ABCC12: variants seen among roughly 807,000 people sequenced by gnomAD.
ABCC12 encodes the protein ATP-binding cassette sub-family C member 12.
In ABCC12, 142 loss-of-function variants were observed where a neutral mutation model predicts 151.1. The observed-to-expected ratio is 0.94, with a 90% confidence interval of 0.82 to 1.08. The LOEUF (loss-of-function observed/expected upper bound fraction) is 1.08, where lower values mean the gene tolerates loss of function less well. Ranked by LOEUF, ABCC12 falls within the 50% of genes least tolerant of loss-of-function variation. The pLI is 0.00. For synonymous variants in ABCC12, 645 were observed against 646.4 expected, an observed-to-expected ratio of 1.00 and a Z score of 0.03; for missense variants, 1,638 against 1,691.1, an observed-to-expected ratio of 0.97 and a Z score of 0.55.
chr16:48,129,189 G>T (rs932746672), intron 10 of ABCC12, among the ~76,000 whole-genome samples: 14 of 152,240 alleles, frequency 9.2e-5, no homozygotes, highest in African/African-American at 3.4e-4. Context: ...GTAAACAGCA[G>T]AAATGCAAAT....
At chr16:48,105,438 G>A in intron 20 of ABCC12, 102 bp from the exon 21 acceptor site, 1 of 1,184,048 alleles carries the variant, frequency 8.4e-7, no homozygotes, top group East Asian at 2.5e-5. Flanking sequence ...CTAAGAAGAA[G>A]CACATGAGTG....
chr16:48,108,554 T>C, intron 18 of ABCC12, 25 bp from the exon 19 acceptor site: 8 of 1,609,222 alleles, frequency 5.0e-6, no homozygotes, highest in Non-Finnish European at 6.8e-6. Context: ...ACAAGTGCCA[T>C]GGCTCTCACC....
At chr16:48,085,022 G>C (rs1962524637) in intron 29 of ABCC12, among the ~76,000 whole-genome samples, 1 of 152,108 alleles carries the variant, frequency 6.6e-6, no homozygotes. Flanking sequence ...GCAGCATGCA[G>C]TGCCACGGCA....
intron 11 of ABCC12, among the ~76,000 whole-genome samples, chr16:48,125,273 T>C (rs1964202569): frequency 6.6e-6 from 1 of 152,178 alleles, no homozygotes; most frequent in Non-Finnish European, 1.5e-5. Flanking sequence ...GCAGGGAAAC[T>C]GCAGGAAACT....
At chr16:48,087,758 C>A (rs1181658544) in intron 27 of ABCC12, 168 bp downstream of exon 27, 1 of 662,424 alleles carries the variant, frequency 1.5e-6, no homozygotes, top group Admixed American at 3.1e-5. Flanking sequence ...CCTCCCAAGG[C>A]TGGATGCAGA....
chr16:48,138,216 C>A lies in ABCC12; in HGVS notation c.979+12G>T. 1 of 1,593,574 alleles carries A rather than the reference C, an allele frequency of 6.3e-7. No homozygotes were observed. Among genetic ancestry groups the A allele is most frequent in the Non-Finnish European group, 8.6e-7 (1 of 1,164,366 alleles). Reference sequence around the variant, plus strand: ...AGGTAAGTGGTTCTTTAAGCAGCTACTCTTGTCCTACCTTGGATAGTGTTG... The same window carrying A: ...AGGTAAGTGGTTCTTTAAGCAGCTAATCTTGTCCTACCTTGGATAGTGTTG... On this transcript the variant is annotated intron_variant, in intron 8 of 30. Coordinates refer to ENST00000311303, the MANE Select transcript of ABCC12 (RefSeq NM_001393797.1).
chr16:48,111,360 C>T, intron 18 of ABCC12, 76 bp downstream of exon 18: 1 of 1,518,090 alleles, frequency 6.6e-7, no homozygotes, highest in East Asian at 2.3e-5. Flanking sequence ...ACAGTGTCTA[C>T]ACTGTCTGTA....
intron 3 of ABCC12, 47 bp from the exon 4 acceptor site, chr16:48,144,112 C>A: frequency 6.4e-7 from 1 of 1,572,590 alleles, no homozygotes; most frequent in Non-Finnish European, 8.6e-7. Context: ...GGGGTCATTG[C>A]CCCAACTCTC....
chr16:48,089,908 TA>T (rs1261214269), intron 25 of ABCC12, among the ~76,000 whole-genome samples: 4 of 152,234 alleles, frequency 2.6e-5, no homozygotes, highest in Non-Finnish European at 5.9e-5. Flanking sequence ...CATGAAAACT[TA>T]AAGCTTACTA....
chr16:48,146,180 G>A (rs757086018), intron 3 of ABCC12, 126 bp downstream of exon 3: 152 of 810,692 alleles, frequency 1.9e-4, no homozygotes, highest in Non-Finnish European at 3.0e-4. Flanking sequence ...ACGTGTGCAT[G>A]GGTGGACGGA....
At chr16:48,126,267 C>T (rs1230830875) in intron 11 of ABCC12, among the ~76,000 whole-genome samples, 1 of 152,214 alleles carries the variant, frequency 6.6e-6, no homozygotes, top group African/African-American at 2.4e-5. Context: ...CTATCCACTT[C>T]TTGGGGCCAA....
intron 18 of ABCC12, among the ~76,000 whole-genome samples, chr16:48,110,861 T>C (rs558050268): frequency 2.0e-4 from 30 of 152,230 alleles, no homozygotes; most frequent in Non-Finnish European, 3.4e-4. Flanking sequence ...CACAAGATCC[T>C]GAGAACACGG....
At chr16:48,128,016 G>T (rs1964297193) in intron 11 of ABCC12, among the ~76,000 whole-genome samples, 1 of 152,210 alleles carries the variant, frequency 6.6e-6, no homozygotes, top group Admixed American at 6.5e-5. Context: ...CTACTTGGGA[G>T]GCTGAGGCAG....
chr16:48,141,113 A>C, intron 5 of ABCC12, 93 bp downstream of exon 5: 3 of 1,537,148 alleles, frequency 2.0e-6, no homozygotes, highest in Non-Finnish European at 2.6e-6. Flanking sequence ...ATGACAATGC[A>C]CTAAACCCAC....
At position 48,137,840 on chromosome 16, in the gene ABCC12, A is replaced by G. The variant is rs201175868; in HGVS notation, c.979+388T>C. On this transcript the variant is annotated intron_variant, in intron 8 of 30. Coordinates refer to ENST00000311303, the MANE Select transcript of ABCC12 (RefSeq NM_001393797.1). ...CATCCGAACACAAGGACGCTGCTGC[A>G]GGCAAAGAGGTCTGTGTAACCCTGG... is the stretch of plus-strand genomic sequence containing the variant. Among the ~76,000 whole-genome samples, 6 of 152,376 alleles carry G rather than the reference A, an allele frequency of 3.9e-5. No individual in the cohort carries two copies. The East Asian group carries it at 1.2e-3, about 29-fold the overall frequency.
At chr16:48,147,760 C>T (rs1965047884) in intron 2 of ABCC12, among the ~76,000 whole-genome samples, 1 of 152,180 alleles carries the variant, frequency 6.6e-6, no homozygotes, top group Admixed American at 6.5e-5. Context: ...ACAAGAGGCA[C>T]TCCTCTGGAA....
chr16:48,144,664 C>A (rs1964939400), intron 3 of ABCC12, among the ~76,000 whole-genome samples: 1 of 152,174 alleles, frequency 6.6e-6, no homozygotes, highest in African/African-American at 2.4e-5. Flanking sequence ...GCCTTTTCCT[C>A]CTTCCCTACA....
At position 48,082,671 on chromosome 16, in the gene ABCC12, T is replaced by C. The variant is rs888241157; in HGVS notation, c.*1044A>G. 1.3e-5 allele frequency among the ~76,000 whole-genome samples: 2 copies of C among 152,098 alleles called. No individual in the cohort carries two copies. The highest frequency in any genetic ancestry group is 1.5e-5 in the Non-Finnish European group (1 of 68,002). On this transcript the variant is annotated 3_prime_UTR_variant, in exon 31 of 31. Transcript: ENST00000311303. ...CTTTGCTGACCACACTGCCCTGAGCTACATTTAGAGCTCAGCCTGGGGCCT... is the reference window on the plus strand; with the variant it reads ...CTTTGCTGACCACACTGCCCTGAGCCACATTTAGAGCTCAGCCTGGGGCCT...
At chr16:48,084,152 A>G (rs1298025079) in intron 29 of ABCC12, 79 bp from the exon 30 acceptor site, 6 of 1,401,370 alleles carry the variant, frequency 4.3e-6, no homozygotes, top group Admixed American at 5.2e-5. Context: ...ACTTTAAAAA[A>G]AAGAAGAAGA....
Sources: allele counts gnomAD v4.1 joint callset (sites outside exome capture counted in the v4.1 genomes callset), GRCh38; gene constraint gnomAD v4.1.1; transcripts MANE v1.5; gene names NCBI Gene and HGNC (gene_info 2026-07-23, HGNC 2026-07-21).